Variants in PAK5 observed in about 807,000 individuals in gnomAD.
PAK5 encodes p21 (RAC1) activated kinase 5, also known as serine/threonine-protein kinase PAK 5.
Under a neutral mutation model 65.9 loss-of-function variants are expected in PAK5, and 16 were observed. That is an observed-to-expected ratio of 0.24 (90% confidence interval 0.16 to 0.37). The LOEUF (loss-of-function observed/expected upper bound fraction) is 0.37. Among genes scored for constraint, PAK5 ranks in the 10% least tolerant of loss-of-function variants. The pLI is 1.00. For missense variants in PAK5, 785 were observed against 903.9 expected (o/e 0.87, Z 1.69); for synonymous variants, 371 against 354.9 (o/e 1.05, Z -0.51).
At chr20:9,603,330 C>T (rs2046393426) in intron 3 of PAK5, among the ~76,000 whole-genome samples, 1 of 152,150 alleles carries the variant, frequency 6.6e-6, no homozygotes, top group Non-Finnish European at 1.5e-5. Flanking sequence ...GGTAGCCATC[C>T]ATTTTCTTTA....
chr20:9,703,880 G>T (rs2047971889), intron 2 of PAK5, among the ~76,000 whole-genome samples: 1 of 152,160 alleles, frequency 6.6e-6, no homozygotes, highest in African/African-American at 2.4e-5. Flanking sequence ...TTATCAGCAT[G>T]GAGGCAATGA....
chr20:9,798,176 T>C (rs2049127300), intron 1 of PAK5, among the ~76,000 whole-genome samples: 1 of 152,052 alleles, frequency 6.6e-6, no homozygotes, highest in Admixed American at 6.6e-5. Flanking sequence ...ATAGAAAATA[T>C]AGGAAGACAA....
At chr20:9,544,610 T>G in intron 7 of PAK5, 116 bp from the exon 8 acceptor site, 11 of 888,670 alleles carry the variant, frequency 1.2e-5, no homozygotes, top group African/African-American at 1.6e-5. Context: ...CAACAGGCCT[T>G]GGACATATCA....
intron 8 of PAK5, 79 bp from the exon 9 acceptor site, chr20:9,542,799 T>C (rs1306998872): frequency 7.8e-7 from 1 of 1,286,156 alleles, no homozygotes; most frequent in Non-Finnish European, 1.1e-6. Flanking sequence ...AACCTCATAC[T>C]CATTCACAAG....
At chr20:9,552,079 A>G (rs965270983) in intron 7 of PAK5, among the ~76,000 whole-genome samples, 2 of 152,232 alleles carry the variant, frequency 1.3e-5, no homozygotes, top group African/African-American at 4.8e-5. Flanking sequence ...GTGTGAATCC[A>G]GGCACAGTGT....
At chr20:9,755,197 C>A (rs6056843) in intron 1 of PAK5, among the ~76,000 whole-genome samples, 5,918 of 152,262 alleles carry the variant, frequency 0.039, 380 homozygotes, top group African/African-American at 0.13. Context: ...AATAATCTTT[C>A]TGGCATAATA....
intron 2 of PAK5, among the ~76,000 whole-genome samples, chr20:9,657,979 C>A (rs1454407812): frequency 6.6e-6 from 1 of 152,180 alleles, no homozygotes; most frequent in Non-Finnish European, 1.5e-5. Context: ...ACACTAATAT[C>A]CAAATACACC....
chr20:9,760,710 C>T lies in PAK5; in HGVS notation c.-161-49275G>A, dbSNP rs1239499925. Among the ~76,000 whole-genome samples, 7 of 114,724 alleles carry T rather than the reference C, an allele frequency of 6.1e-5. No individual in the cohort carries two copies. The Admixed American group carries it at 7.1e-4, about 12-fold the overall frequency. 75.3% of individuals were successfully genotyped at this position (114,724 alleles called of 152,430 possible). On this transcript the variant is annotated intron_variant, in intron 1 of 9. Coordinates refer to ENST00000353224, the MANE Select transcript of PAK5 (RefSeq NM_177990.4). ...TTTTTTAGACAGAGTATTACTTTGT[C>T]ACTCAGGCTGGAGTGCCGTGGTACG...
At chr20:9,678,423 C>T (rs1046684692) in intron 2 of PAK5, among the ~76,000 whole-genome samples, 4 of 152,054 alleles carry the variant, frequency 2.6e-5, no homozygotes, top group East Asian at 1.9e-4. Context: ...AAAAATTAGC[C>T]GGGCATTGTG....
At chr20:9,836,013 T>A (rs746937345) in intron 1 of PAK5, among the ~76,000 whole-genome samples, 2 of 152,198 alleles carry the variant, frequency 1.3e-5, no homozygotes, top group Non-Finnish European at 2.9e-5. Context: ...CTCTAGAAGA[T>A]CCAGGTCCTG....
At chr20:9,800,989 A>G (rs890281325) in intron 1 of PAK5, among the ~76,000 whole-genome samples, 4 of 152,078 alleles carry the variant, frequency 2.6e-5, no homozygotes, top group African/African-American at 9.7e-5. Flanking sequence ...GAGTTTGAAA[A>G]GTCTTCTAAC....
intron 1 of PAK5, among the ~76,000 whole-genome samples, chr20:9,742,678 A>T (rs1318012714): frequency 6.6e-6 from 1 of 152,176 alleles, no homozygotes; most frequent in Admixed American, 6.5e-5. Flanking sequence ...GACCTAAAAA[A>T]AATTGGTTAT....
chr20:9,823,261 T>C (rs1365961802), intron 1 of PAK5, among the ~76,000 whole-genome samples: 1 of 152,222 alleles, frequency 6.6e-6, no homozygotes, highest in Non-Finnish European at 1.5e-5. Flanking sequence ...GCCTTGATCT[T>C]GGACTTCCAA....
chr20:9,723,769 G>T (rs756198707), intron 1 of PAK5, among the ~76,000 whole-genome samples: 4 of 152,140 alleles, frequency 2.6e-5, no homozygotes, highest in Non-Finnish European at 1.5e-5. Flanking sequence ...CACCTGAGAA[G>T]TATGTGCAAA....
intron 3 of PAK5, among the ~76,000 whole-genome samples, chr20:9,617,063 A>G (rs2046670082): frequency 6.6e-6 from 1 of 152,260 alleles, no homozygotes; most frequent in Non-Finnish European, 1.5e-5. Flanking sequence ...ATAAATCAAA[A>G]GTGAGATCAA....
chr20:9,694,041 T>C (rs1320571233), intron 2 of PAK5, among the ~76,000 whole-genome samples: 2 of 152,046 alleles, frequency 1.3e-5, no homozygotes, highest in African/African-American at 2.4e-5. Context: ...AGATCTCTAT[T>C]AGCTAGATGA....
At chr20:9,653,768 T>A (rs1014354872) in intron 2 of PAK5, among the ~76,000 whole-genome samples, 2 of 152,136 alleles carry the variant, frequency 1.3e-5, no homozygotes, top group African/African-American at 2.4e-5. Context: ...AGGTTGGAAG[T>A]ATAACATGAG....
chr20:9,683,396 C>T (rs926067865), intron 2 of PAK5, among the ~76,000 whole-genome samples: 3 of 152,378 alleles, frequency 2.0e-5, no homozygotes, highest in East Asian at 1.9e-4. Context: ...TGCCTATTTG[C>T]AGCTGCAATG....
At position 9,787,623 on chromosome 20, in the gene PAK5, G is replaced by A. The variant is rs1444060542; in HGVS notation, c.-162+51139C>T. The stretch of plus-strand genomic sequence containing the variant: ...CTCTGCATGGCTATGAAAAGGATGT[G>A]TGTGTGTGTGTGTGTGTGTGTGTGT... On this transcript the variant is annotated intron_variant, in intron 1 of 9. Transcript: ENST00000353224. Among the ~76,000 whole-genome samples the A allele has an allele frequency of 1.1e-4, 4 of 35,198 alleles. No homozygotes were observed. The East Asian group carries it at 2.3e-3, about 20-fold the overall frequency. The allele number at this position is 35,198 out of a possible 152,430, so 23.1% of individuals were successfully genotyped here.
Sources: gnomAD v4.1 joint callset for allele counts (sites outside exome capture counted in the v4.1 genomes callset) on GRCh38, gnomAD v4.1.1 for gene constraint, MANE v1.5 for transcripts, NCBI Gene and HGNC (gene_info 2026-07-23, HGNC 2026-07-21) for gene names.